PGLYRP3: variants seen among roughly 807,000 people sequenced by gnomAD.
The protein encoded by PGLYRP3 is peptidoglycan recognition protein 3, also known as peptidoglycan recognition protein I alpha.
Under a neutral mutation model 36.0 loss-of-function variants are expected in PGLYRP3, and 39 were observed. The observed-to-expected ratio is 1.08, with a 90% confidence interval of 0.84 to 1.41. PGLYRP3 has a LOEUF of 1.41. PGLYRP3 is among the 40% of genes most tolerant of loss of function. The pLI is 0.00. For synonymous variants in PGLYRP3, 204 were observed against 172.8 expected, an observed-to-expected ratio of 1.18 and a Z score of -1.42; for missense variants, 407 against 427.9, an observed-to-expected ratio of 0.95 and a Z score of 0.43.
intron 2 of PGLYRP3, among the ~76,000 whole-genome samples, chr1:153,308,358 G>A (rs1231448842): frequency 1.3e-5 from 2 of 152,048 alleles, no homozygotes; most frequent in Non-Finnish European, 2.9e-5. Context: ...ACTCCCCTTT[G>A]CCTAAGGACT....
intron 1 of PGLYRP3, among the ~76,000 whole-genome samples, chr1:153,312,014 G>A (rs1659906973): frequency 6.6e-6 from 1 of 152,218 alleles, no homozygotes; most frequent in African/African-American, 2.4e-5. Flanking sequence ...CAAGATTGAA[G>A]GCCTGTTAGG....
rs974654204 is a variant in PGLYRP3, at chr1:153,306,993, C to T, written c.257+73G>A. 1.8e-5 allele frequency: 26 copies of T among 1,421,026 alleles called. No homozygotes were observed. The East Asian group carries it at 3.3e-4, about 18-fold the overall frequency. 88.0% of individuals were successfully genotyped at this position (1,421,026 alleles called of 1,614,324 possible). ...TAAATGAAGCGCAGAAAATAAGAGC[C>T]ACAGAGAAGGGGAAGTGGGAAGCAC... On this transcript the variant is annotated intron_variant, in intron 3 of 7. Coordinates refer to ENST00000683862, the MANE Select transcript of PGLYRP3 (RefSeq NM_052891.3).
rs116594821 is a variant in PGLYRP3, at chr1:153,310,841, C to T, written c.-41-135G>A. On this transcript the variant is annotated intron_variant, in intron 1 of 7. Coordinates refer to ENST00000683862, the MANE Select transcript of PGLYRP3 (RefSeq NM_052891.3). The stretch of plus-strand genomic sequence containing the variant: ...GGGCCAGCACCTGGCTCAGGCTTCT[C>T]GGGGCCCCTTAAACACATCAGGTTC... 5.4e-3 allele frequency: 3,262 copies of T among 603,308 alleles called. 84 individuals are homozygous for T. The African/African-American group carries it at 0.054, about 10-fold the overall frequency. The allele number at this position is 603,308 out of a possible 1,614,324, so 37.4% of individuals were successfully genotyped here. A position where few individuals can be genotyped will look rare whatever the true frequency, so the allele number is the denominator to read the frequency against.
chr1:153,308,943 G>A (rs781611973), intron 2 of PGLYRP3, among the ~76,000 whole-genome samples: 66 of 152,230 alleles, frequency 4.3e-4, no homozygotes, highest in Admixed American at 4.0e-3. Context: ...TAATCAAACC[G>A]TCGGTACCCA....
At position 153,307,196 on chromosome 1, in the gene PGLYRP3, G is replaced by A; in HGVS notation, c.127C>T (p.Pro43Ser). ...TGGTCTGTGATGATGTAGGCCACAG[G>A]CAGGGTCAGCAGGGCCCTGCAGGCG... ...PLACRALLTL[P>S]VAYIITDQLP... Residue 43 changes from proline (P) to serine (S), a missense_variant, in exon 3 of 8, where the codon CCT (proline) becomes TCT (serine). Coordinates refer to ENST00000683862, the MANE Select transcript of PGLYRP3 (RefSeq NM_052891.3). The A allele has an allele frequency of 1.2e-6, 2 of 1,611,994 alleles. No individual in the cohort carries two copies. Among genetic ancestry groups the A allele is most frequent in the Non-Finnish European group, 1.7e-6 (2 of 1,179,228 alleles).
chr1:153,302,914 G>T (rs1230150691), intron 5 of PGLYRP3, among the ~76,000 whole-genome samples: 1 of 152,350 alleles, frequency 6.6e-6, no homozygotes, highest in East Asian at 1.9e-4. Context: ...AAAAGACCAT[G>T]CATTGCAAAT....
intron 3 of PGLYRP3, among the ~76,000 whole-genome samples, chr1:153,306,488 C>T (rs564802682): frequency 3.9e-5 from 6 of 152,204 alleles, no homozygotes; most frequent in Admixed American, 2.0e-4. Flanking sequence ...CCACTCTCCC[C>T]GGTGGGGTCC....
chr1:153,299,021 C>A lies in PGLYRP3; in HGVS notation c.847+92G>T, dbSNP rs535953794. 6 of 965,990 alleles carry A rather than the reference C, an allele frequency of 6.2e-6. No homozygotes were observed. The South Asian group carries it at 7.9e-5, about 13-fold the overall frequency. The allele number at this position is 965,990 out of a possible 1,614,324, so 59.8% of individuals were successfully genotyped here. On this transcript the variant is annotated intron_variant, in intron 7 of 7. Coordinates refer to ENST00000683862, the MANE Select transcript of PGLYRP3 (RefSeq NM_052891.3). ...AAAATGTTCCATTCACACTGCCAGG[C>A]ACTACAGGGCTGCCTTTCCCGCCAT...
chr1:153,297,551 G>GAAGGAAGGAAGGAAAGAAAA lies in PGLYRP3; in HGVS notation c.*404_*405insTTTTCTTTCCTTCCTTCCTT. On this transcript the variant is annotated 3_prime_UTR_variant, in exon 8 of 8. Transcript: ENST00000683862. ...GGAAGGAAGGAAGGAAGGAAGGAAGGAAAGAAAGAAAAAGAAAGAAAGAAA... is the reference window on the plus strand; with the variant it reads ...GGAAGGAAGGAAGGAAGGAAGGAAGGAAGGAAGGAAGGAAAGAAAAAAAGAAAGAAAAAGAAAGAAAGAAA... Among the ~76,000 whole-genome samples the GAAGGAAGGAAGGAAAGAAAA allele has an allele frequency of 1.4e-5, 1 of 72,614 alleles. No homozygotes were observed. The highest frequency in any genetic ancestry group is 5.4e-5 in the African/African-American group (1 of 18,662). The allele number at this position is 72,614 out of a possible 152,430, so 47.6% of individuals were successfully genotyped here. A position where few individuals can be genotyped will look rare whatever the true frequency, so the allele number is the denominator to read the frequency against.
At position 153,298,639 on chromosome 1, in the gene PGLYRP3, T is replaced by C. The variant is rs1264646818; in HGVS notation, c.847+474A>G. On this transcript the variant is annotated intron_variant, in intron 7 of 7. Transcript: ENST00000683862. ...GACTGGGAGACAGAGCGAGACTCCA[T>C]CTCAAAAATAAATAAATAAATATAA... is the stretch of plus-strand genomic sequence containing the variant. Among the ~76,000 whole-genome samples, 4 of 151,972 alleles carry C rather than the reference T, an allele frequency of 2.6e-5. No individual in the cohort carries two copies. In the East Asian group the frequency reaches 7.7e-4, roughly 29 times the overall value.
chr1:153,305,749 T>G (rs957869920), intron 3 of PGLYRP3, among the ~76,000 whole-genome samples: 2 of 152,202 alleles, frequency 1.3e-5, no homozygotes, highest in African/African-American at 2.4e-5. Flanking sequence ...GGAAAGACAC[T>G]GAACTGAGTC....
In PGLYRP3 at chr1:153,312,652, C is replaced by A. The variant is rs146124005; in HGVS notation, c.-51G>T. 6.6e-6 allele frequency among the ~76,000 whole-genome samples: 1 copy of A among 152,016 alleles called. No homozygotes were observed. The highest frequency in any genetic ancestry group is 2.4e-5 in the African/African-American group (1 of 41,396). ...TCAAACTCACAGATACCTGTGGGTT[C>A]TGTGCTGTTCCAGCCCAGCAGGTCA... On this transcript the variant is annotated 5_prime_UTR_variant, in exon 1 of 8. Coordinates refer to ENST00000683862, the MANE Select transcript of PGLYRP3 (RefSeq NM_052891.3).
rs1262222575 is a variant in PGLYRP3, at chr1:153,312,709, C to A, written c.-108G>T. 6.6e-6 allele frequency among the ~76,000 whole-genome samples: 1 copy of A among 152,138 alleles called. No homozygotes were observed. Among genetic ancestry groups the A allele is most frequent in the Non-Finnish European group, 1.5e-5 (1 of 68,020 alleles). On this transcript the variant is annotated 5_prime_UTR_variant, in exon 1 of 8. Coordinates refer to ENST00000683862, the MANE Select transcript of PGLYRP3 (RefSeq NM_052891.3). The stretch of plus-strand genomic sequence containing the variant: ...AGTCGGCTCGCCCCTGATTGGCCAG[C>A]AGCTCCTTCCCTTCCAGACTTGGCC...
chr1:153,309,023 G>T (rs1397839701), intron 2 of PGLYRP3, among the ~76,000 whole-genome samples: 3 of 152,204 alleles, frequency 2.0e-5, no homozygotes, highest in Non-Finnish European at 2.9e-5. Flanking sequence ...ACCTATTGGT[G>T]CCAGACAAGG....
chr1:153,298,215 T>C, intron 7 of PGLYRP3, 81 bp from the exon 8 acceptor site: 4 of 1,485,064 alleles, frequency 2.7e-6, no homozygotes, highest in Non-Finnish European at 3.7e-6. Context: ...TAGATTCCAG[T>C]TTCTTTCTTC....
chr1:153,308,937 C>A (rs1336523896), intron 2 of PGLYRP3, among the ~76,000 whole-genome samples: 1 of 152,184 alleles, frequency 6.6e-6, no homozygotes, highest in Non-Finnish European at 1.5e-5. Context: ...ACCTACTAAT[C>A]AAACCGTCGG....
rs1451426547 is a variant in PGLYRP3, at chr1:153,307,053, G to A, written c.257+13C>T. 4 of 1,612,746 alleles carry A rather than the reference G, an allele frequency of 2.5e-6. No homozygotes were observed. The African/African-American group carries it at 4.0e-5, about 16-fold the overall frequency. On this transcript the variant is annotated intron_variant, in intron 3 of 7. Coordinates refer to ENST00000683862, the MANE Select transcript of PGLYRP3 (RefSeq NM_052891.3). ...TTTGGATGTGGGCCTCAGGGACTTG[G>A]CTAGCCTCTTACTTGTACGCCACGT... is the stretch of plus-strand genomic sequence containing the variant.
chr1:153,304,207 T>G (rs1659680126), intron 4 of PGLYRP3, among the ~76,000 whole-genome samples, 198 bp from the exon 5 acceptor site: 1 of 152,208 alleles, frequency 6.6e-6, no homozygotes, highest in African/African-American at 2.4e-5. Flanking sequence ...TGAAAACTTC[T>G]TCCAAGAGCC....
chr1:153,300,595 C>T lies in PGLYRP3; in HGVS notation c.729-1364G>A, dbSNP rs536448775. Among the ~76,000 whole-genome samples the T allele has an allele frequency of 2.7e-3, 415 of 152,292 alleles. 2 individuals are homozygous for T. Among genetic ancestry groups the T allele is most frequent in the African/African-American group, 9.1e-3 (377 of 41,556 alleles). ...ACAAAGACTCTCTGAAGGACTCTTA[C>T]GCACACAAGCCTGTAACAAGAACTT... On this transcript the variant is annotated intron_variant, in intron 6 of 7. Transcript: ENST00000683862.
Sources: allele counts gnomAD v4.1 joint callset (sites outside exome capture counted in the v4.1 genomes callset), GRCh38; gene constraint gnomAD v4.1.1; transcripts MANE v1.5; gene names NCBI Gene and HGNC (gene_info 2026-07-23, HGNC 2026-07-21).